DRC11: variants seen among roughly 807,000 people sequenced by gnomAD.
DRC11 encodes the protein dynein regulatory complex subunit 11.
the DRC11 span, among the ~76,000 whole-genome samples, chr2:236,426,453 T>C: frequency 6.6e-6 from 1 of 152,142 alleles, no homozygotes; most frequent in Admixed American, 6.5e-5. This position sits in a 1 kb window ranked among gnomAD's most constrained non-coding sequence, Gnocchi z 4.1. Flanking sequence ...TGTTAGTGTA[T>C]AGAAATGCTA....
At chr2:236,354,260 T>TGTGC in the DRC11 span, among the ~76,000 whole-genome samples, 3 of 150,928 alleles carry the variant, frequency 2.0e-5, no homozygotes, top group African/African-American at 7.4e-5. Flanking sequence ...AGTGTGCACA[T>TGTGC]GTGTGCGTGT....
chr2:236,381,308 C>T, the DRC11 span, among the ~76,000 whole-genome samples: 414 of 152,238 alleles, frequency 2.7e-3, 3 homozygotes, highest in African/African-American at 9.5e-3. This position sits in a 1 kb window ranked among gnomAD's most constrained non-coding sequence, Gnocchi z 5.8. Context: ...TTATAAATTA[C>T]TCAGCCTAAG....
the DRC11 span, among the ~76,000 whole-genome samples, chr2:236,418,626 C>T: frequency 6.7e-6 from 1 of 149,696 alleles, no homozygotes; most frequent in South Asian, 2.1e-4. Context: ...CGCTTCCAAC[C>T]CCCCTACACG....
the DRC11 span, among the ~76,000 whole-genome samples, chr2:236,434,491 C>T: frequency 6.6e-6 from 1 of 152,080 alleles, no homozygotes; most frequent in Non-Finnish European, 1.5e-5. This position sits in a 1 kb window ranked among gnomAD's most constrained non-coding sequence, Gnocchi z 5.5. Context: ...TAATTATTAC[C>T]TCAGTGCAGG....
the DRC11 span, among the ~76,000 whole-genome samples, chr2:236,475,823 A>G: frequency 6.6e-6 from 1 of 152,186 alleles, no homozygotes; most frequent in Non-Finnish European, 1.5e-5. This position sits in a 1 kb window ranked among gnomAD's most constrained non-coding sequence, Gnocchi z 4.8. Flanking sequence ...TTTATTGAAG[A>G]GACTGTCCTT....
the DRC11 span, among the ~76,000 whole-genome samples, chr2:236,320,886 T>A: frequency 7.2e-6 from 1 of 139,540 alleles, no homozygotes; most frequent in East Asian, 2.5e-4. Flanking sequence ...ACAGAGCTGC[T>A]GTGCTTCCTC....
the DRC11 span, among the ~76,000 whole-genome samples, chr2:236,489,420 T>TG: frequency 6.7e-6 from 1 of 150,284 alleles, no homozygotes; most frequent in Admixed American, 6.6e-5. Flanking sequence ...GGGTGCATGC[T>TG]GGGGCCTGTG....
the DRC11 span, among the ~76,000 whole-genome samples, chr2:236,485,824 C>A: frequency 6.6e-6 from 1 of 152,254 alleles, no homozygotes. Context: ...TCAGGAGGGG[C>A]TCGGGCAGAG....
chr2:236,379,226 G>C, the DRC11 span, among the ~76,000 whole-genome samples: 1 of 152,184 alleles, frequency 6.6e-6, no homozygotes, highest in African/African-American at 2.4e-5. Context: ...CCCCCAAACA[G>C]GGTAGCGACA....
the DRC11 span, among the ~76,000 whole-genome samples, chr2:236,425,096 C>T: frequency 6.6e-6 from 1 of 152,018 alleles, no homozygotes; most frequent in Non-Finnish European, 1.5e-5. Context: ...CACATCTTGG[C>T]TTTTGTGAGC....
At chr2:236,428,118 T>C in the DRC11 span, among the ~76,000 whole-genome samples, 1 of 152,194 alleles carries the variant, frequency 6.6e-6, no homozygotes, top group Non-Finnish European at 1.5e-5. Flanking sequence ...ATTTTGATCT[T>C]CCTAAATTTG....
At chr2:236,403,864 C>T in the DRC11 span, among the ~76,000 whole-genome samples, 1 of 152,124 alleles carries the variant, frequency 6.6e-6, no homozygotes, top group Non-Finnish European at 1.5e-5. Flanking sequence ...GCTCGCTGTG[C>T]CTCGGGGCCC....
At chr2:236,321,706 A>G in the DRC11 span, among the ~76,000 whole-genome samples, 1 of 152,218 alleles carries the variant, frequency 6.6e-6, no homozygotes, top group Admixed American at 6.5e-5. Context: ...CCCATGTGTG[A>G]CAGAGCAGGA....
the DRC11 span, among the ~76,000 whole-genome samples, chr2:236,459,000 G>A: frequency 2.0e-3 from 303 of 152,166 alleles, no homozygotes; most frequent in Admixed American, 3.3e-3. Flanking sequence ...AGCCGAGATC[G>A]CACCGTCGCA....
At chr2:236,345,186 C>G in the DRC11 span, among the ~76,000 whole-genome samples, 2 of 151,052 alleles carry the variant, frequency 1.3e-5, no homozygotes. Flanking sequence ...GCTGTAAACG[C>G]GCTTCCCTCT....
At chr2:236,392,432 G>T in the DRC11 span, 14 of 704,910 alleles carry the variant, frequency 2.0e-5, no homozygotes, top group African/African-American at 1.6e-4. The surrounding 1 kb of genome is among the most constrained non-coding windows in gnomAD (Gnocchi z 5.1). Flanking sequence ...AAAGACGTAG[G>T]TTAATTGTAA....
chr2:236,331,311 G>A, the DRC11 span: 11 of 1,290,600 alleles, frequency 8.5e-6, no homozygotes, highest in African/African-American at 1.0e-4. This position sits in a 1 kb window ranked among gnomAD's most constrained non-coding sequence, Gnocchi z 4.8. Context: ...AGGAGGCAGC[G>A]TGAGGAGTGT....
chr2:236,360,837 C>T, the DRC11 span, among the ~76,000 whole-genome samples: 3 of 152,132 alleles, frequency 2.0e-5, no homozygotes, highest in African/African-American at 4.8e-5. This position sits in a 1 kb window ranked among gnomAD's most constrained non-coding sequence, Gnocchi z 5.8. Context: ...GGACCACAGA[C>T]GAAGTCAAAA....
chr2:236,389,438 G>A, the DRC11 span, among the ~76,000 whole-genome samples: 48 of 152,294 alleles, frequency 3.2e-4, no homozygotes, highest in Non-Finnish European at 2.1e-4. Flanking sequence ...GGTGCCGTCC[G>A]TCACCCCTTT....
Sources: allele counts gnomAD v4.1 joint callset (sites outside exome capture counted in the v4.1 genomes callset), GRCh38; gene constraint gnomAD v4.1.1; non-coding constraint Gnocchi (gnomAD v3.1); transcripts MANE v1.5; gene names NCBI Gene and HGNC (gene_info 2026-07-23, HGNC 2026-07-21).